The following WDR76 variants were observed in gnomAD, a reference collection of about 807,000 sequenced individuals.
WDR76 encodes WD repeat-containing protein 76.
A neutral mutation model predicts 70.2 loss-of-function variants in WDR76; 52 were observed. The observed-to-expected ratio is 0.74, with a 90% CI of 0.59 to 0.93. The LOEUF (loss-of-function observed/expected upper bound fraction) is 0.93. WDR76 is among the 40% of genes least tolerant of loss of function. The pLI, the probability that WDR76 is intolerant of heterozygous loss-of-function variation, is 0.00. For synonymous variants in WDR76, 292 were observed against 271.1 expected (o/e 1.08, Z -0.76); for missense variants, 756 against 760.2 (o/e 0.99, Z 0.07).
In WDR76 at chr15:43,857,140, G is replaced by A; in HGVS notation, c.1386G>A (p.Gln462=). ...TTCATGTCCACCCAGTGCATAGACA[G>A]TATTTTATCACTGCCGGATTGAGGT... ...RTVHVHPVHR[Q]YFITAGLRDT... is the part of the protein sequence containing the mutation. Residue 462 remains glutamine (Q), a synonymous_variant, in exon 10 of 13, where the codon CAG becomes CAA. Coordinates refer to ENST00000263795, the MANE Select transcript of WDR76 (RefSeq NM_024908.4). 6.2e-7 allele frequency: 1 copy of A among 1,613,442 alleles called. No individual in the cohort carries two copies. The highest frequency in any genetic ancestry group is 1.3e-5 in the African/African-American group (1 of 74,986).
intron 6 of WDR76, 35 bp from the exon 7 acceptor site, chr15:43,842,593 C>T (rs2140302649): frequency 6.2e-7 from 1 of 1,600,782 alleles, no homozygotes; most frequent in Non-Finnish European, 8.5e-7. Flanking sequence ...TATATACATA[C>T]TAACTTAGTT....
At chr15:43,835,537 C>T (rs2087645196) in intron 3 of WDR76, among the ~76,000 whole-genome samples, 2 of 151,928 alleles carry the variant, frequency 1.3e-5, no homozygotes, top group African/African-American at 4.8e-5. Flanking sequence ...ATAACTCCCA[C>T]CAGGTCAATA....
In WDR76 at chr15:43,841,003, G is replaced by A. The variant is rs1305388971; in HGVS notation, c.732+1275G>A. On this transcript the variant is annotated intron_variant, in intron 5 of 12. Transcript: ENST00000263795. ...TTGTCAAACGACACTTAATACATGT[G>A]GTGCACTTTGGTATTTCTTTTTTTT... is the stretch of plus-strand genomic sequence containing the variant. Among the ~76,000 whole-genome samples the A allele has an allele frequency of 2.7e-5, 4 of 150,452 alleles. No individual in the cohort carries two copies. In the East Asian group the frequency reaches 7.8e-4, roughly 29 times the overall value.
intron 2 of WDR76, 148 bp from the exon 3 acceptor site, chr15:43,834,913 A>G: frequency 1.5e-6 from 1 of 682,712 alleles, no homozygotes; most frequent in Non-Finnish European, 2.4e-6. Flanking sequence ...AATTCAGCAA[A>G]CGTCTGTTTT....
At chr15:43,862,187 T>G (rs902254941) in intron 12 of WDR76, among the ~76,000 whole-genome samples, 1 of 152,004 alleles carries the variant, frequency 6.6e-6, no homozygotes, top group African/African-American at 2.4e-5. Context: ...CTCCTTGATA[T>G]TCCTCTTTGT....
chr15:43,834,120 AT>A (rs2141725267), intron 2 of WDR76, among the ~76,000 whole-genome samples: 1 of 151,986 alleles, frequency 6.6e-6, no homozygotes, highest in East Asian at 1.9e-4. Context: ...TTGAGTTCTT[AT>A]TTTTTGAATT....
At chr15:43,829,845 A>G (rs191437368) in intron 2 of WDR76, among the ~76,000 whole-genome samples, 260 of 151,938 alleles carry the variant, frequency 1.7e-3, no homozygotes, top group Admixed American at 3.8e-3. Flanking sequence ...CCTTTAAGCA[A>G]ATGACCTTAG....
Position 43,828,229 on chromosome 15 carries a change from C to A in WDR76, c.325C>A (p.Leu109Met). The A allele has an allele frequency of 1.9e-6, 3 of 1,614,204 alleles. No individual in the cohort carries two copies. Among genetic ancestry groups the A allele is most frequent in the Non-Finnish European group, 2.5e-6 (3 of 1,180,038 alleles). The part of the protein sequence containing the change: ...KNTSSKAEST[L>M]QNSSSAVHTE... ...CACATCTTCCAAGGCAGAATCCACG[C>A]TGCAAAATTCATCCTCAGCTGTTCA... is the stretch of plus-strand genomic sequence containing the variant. The change falls in exon 2 of 13, where the codon CTG becomes ATG. Residue 109 changes from leucine to methionine, a missense_variant. By Grantham distance (15) the Leu-to-Met change is conservative. Coordinates refer to ENST00000263795, the MANE Select transcript of WDR76 (RefSeq NM_024908.4).
At chr15:43,827,730 AGAC>A (rs2087534261) in intron 1 of WDR76, among the ~76,000 whole-genome samples, 1 of 152,066 alleles carries the variant, frequency 6.6e-6, no homozygotes, top group African/African-American at 2.4e-5. Flanking sequence ...TTTTTAGTAG[AGAC>A]AGGTGGTTTC....
Position 43,867,082 on chromosome 15 carries a change from G to A in WDR76, c.*690G>A, listed in dbSNP as rs1208484499. On this transcript the variant is annotated 3_prime_UTR_variant, in exon 13 of 13. Coordinates refer to ENST00000263795, the MANE Select transcript of WDR76 (RefSeq NM_024908.4). ...AGTTTATAATGAATACTTATTTCTAGACTCATACACTGGAAGGGGACCCGG... is the reference window on the plus strand; with the variant it reads ...AGTTTATAATGAATACTTATTTCTAAACTCATACACTGGAAGGGGACCCGG... The A allele has an allele frequency of 6.6e-6, 1 of 152,120 alleles. No homozygotes were observed. The highest frequency in any genetic ancestry group is 1.5e-5 in the Non-Finnish European group (1 of 68,038). The allele number at this position is 152,120 out of a possible 1,614,324, so 9.4% of individuals were successfully genotyped here.
rs1595453525 is a variant in WDR76 at position 43,858,786 on chromosome 15, A to G, written c.1525A>G (p.Asn509Asp). 6.2e-7 allele frequency: 1 copy of G among 1,614,190 alleles called. No individual in the cohort carries two copies. Among genetic ancestry groups the G allele is most frequent in the Non-Finnish European group, 8.5e-7 (1 of 1,180,016 alleles). ...CGCCTATTTTTCACCTCTTACTGGT[A>G]ACAGAGTGGTGACCACATGTGCTGA... ...ASAYFSPLTG[N>D]RVVTTCADCN... The change falls in exon 11 of 13, where the codon AAC becomes GAC. Residue 509 changes from asparagine (N) to aspartate (D), a missense_variant. By Grantham distance (23) the Asn-to-Asp change is conservative (BLOSUM62 1). Transcript: ENST00000263795.
At position 43,828,184 on chromosome 15, in the gene WDR76, A is replaced by G. The variant is rs951189394; in HGVS notation, c.280A>G (p.Ile94Val). ...AATAAAGAAAACTTGCAGAAGGATT[A>G]TACCTCCAAAGATGAAAAACACATC... is the stretch of plus-strand genomic sequence containing the variant. Reference protein sequence around the residue: ...TKIKKTCRRIIPPKMKNTSSK... With the variant: ...TKIKKTCRRIVPPKMKNTSSK... Residue 94 changes from isoleucine (I) to valine (V), a missense_variant, in exon 2 of 13, where the codon ATA (isoleucine) becomes GTA (valine). Physicochemically the swap from Ile to Val is conservative, Grantham distance 29 (BLOSUM62 3). Coordinates refer to ENST00000263795, the MANE Select transcript of WDR76 (RefSeq NM_024908.4). The G allele has an allele frequency of 2.1e-5, 34 of 1,614,096 alleles. No individual in the cohort carries two copies. The highest frequency in any genetic ancestry group is 2.8e-5 in the Non-Finnish European group (33 of 1,180,042).
intron 12 of WDR76, chr15:43,864,128 G>A (rs1308511700): frequency 6.6e-6 from 1 of 152,140 alleles, no homozygotes; most frequent in African/African-American, 2.4e-5. Context: ...TGTTTTAAGT[G>A]AAATAGTATT....
At chr15:43,840,865 C>T (rs1395116672) in intron 5 of WDR76, among the ~76,000 whole-genome samples, 2 of 152,064 alleles carry the variant, frequency 1.3e-5, no homozygotes, top group African/African-American at 2.4e-5. Flanking sequence ...CCTGTAGTCC[C>T]AGCTCCTCAG....
At chr15:43,838,740 AGTT>A (rs1006403635) in intron 4 of WDR76, among the ~76,000 whole-genome samples, 8 of 152,032 alleles carry the variant, frequency 5.3e-5, no homozygotes, top group African/African-American at 1.7e-4. Flanking sequence ...TGAACAATTG[AGTT>A]GTTATTTTTA....
At position 43,844,992 on chromosome 15, in the gene WDR76, T is replaced by C. The variant is rs1315872056; in HGVS notation, c.1032+938T>C. ...TTTTCTTTTTTTGGAGAGGGAGTCT[T>C]GCTCTGTCGCCCAGGCTGGAGTGCA... On this transcript the variant is annotated intron_variant, in intron 8 of 12. Coordinates refer to ENST00000263795, the MANE Select transcript of WDR76 (RefSeq NM_024908.4). 3.6e-5 allele frequency among the ~76,000 whole-genome samples: 5 copies of C among 137,972 alleles called. No homozygotes were observed. In the East Asian group the frequency reaches 1.1e-3, roughly 30 times the overall value. The allele number at this position is 137,972 out of a possible 152,430, so 90.5% of individuals were successfully genotyped here.
chr15:43,845,420 G>A (rs56909447), intron 8 of WDR76, among the ~76,000 whole-genome samples: 28,122 of 149,740 alleles, frequency 0.19, 4,468 homozygotes, highest in African/African-American at 0.37. Context: ...AAGAAACCCA[G>A]GAGAGACCAC....
intron 12 of WDR76, among the ~76,000 whole-genome samples, chr15:43,865,437 T>A (rs1430666231): frequency 6.6e-6 from 1 of 152,180 alleles, no homozygotes; most frequent in Non-Finnish European, 1.5e-5. Context: ...CATGGCCAGC[T>A]AATTTTCCTA....
At chr15:43,850,025 ACTT>A (rs1484605105) in intron 8 of WDR76, among the ~76,000 whole-genome samples, 2 of 152,062 alleles carry the variant, frequency 1.3e-5, no homozygotes, top group African/African-American at 4.8e-5. Context: ...TTTAAAGAAT[ACTT>A]CTCTCCATTT....
Sources: allele counts gnomAD v4.1 joint callset (sites outside exome capture counted in the v4.1 genomes callset), GRCh38; gene constraint gnomAD v4.1.1; transcripts MANE v1.5; gene names NCBI Gene and HGNC (gene_info 2026-07-23, HGNC 2026-07-21).